Variants in SIPA1L3 observed in about 807,000 individuals in gnomAD.
The protein encoded by SIPA1L3 is signal-induced proliferation-associated 1-like protein 3.
Under a neutral mutation model 150.1 loss-of-function variants are expected in SIPA1L3, and 59 were observed. The observed-to-expected ratio is 0.39, with a 90% confidence interval of 0.32 to 0.49. SIPA1L3 has a LOEUF of 0.49. Among genes scored for constraint, SIPA1L3 ranks in the 20% least tolerant of loss-of-function variants. The pLI, the probability that SIPA1L3 is intolerant of heterozygous loss-of-function variation, is 0.86. For missense variants in SIPA1L3, 2,211 were observed against 2,489.5 expected, an observed-to-expected ratio of 0.89 and a Z score of 2.38; for synonymous variants, 1,070 against 1,077.6, an observed-to-expected ratio of 0.99 and a Z score of 0.14.
chr19:38,197,640 A>G (rs994705163), intron 18 of SIPA1L3, among the ~76,000 whole-genome samples: 1 of 151,654 alleles, frequency 6.6e-6, no homozygotes, highest in African/African-American at 2.4e-5. Context: ...ACCTCCAGAA[A>G]CAGATTTCTG....
intron 1 of SIPA1L3, among the ~76,000 whole-genome samples, chr19:37,941,079 CACACACAT>C (rs200391110): frequency 0.029 from 3,838 of 131,528 alleles, 95 homozygotes; most frequent in African/African-American, 0.072. Flanking sequence ...TGTACACACA[CACACACAT>C]ACACACACAC....
chr19:38,107,189 C>G (rs562123299), intron 7 of SIPA1L3, among the ~76,000 whole-genome samples: 1 of 152,344 alleles, frequency 6.6e-6, no homozygotes, highest in African/African-American at 2.4e-5. Context: ...TTAGCCACCT[C>G]AGCAGAAAGA....
intron 2 of SIPA1L3, among the ~76,000 whole-genome samples, chr19:38,065,520 A>G (rs1654353): frequency 0.35 from 52,618 of 150,950 alleles, 9,978 homozygotes; most frequent in African/African-American, 0.51. Context: ...GGTTCAAGCA[A>G]TTCCTCCTGT....
At chr19:37,938,316 T>C (rs1020838137) in intron 1 of SIPA1L3, among the ~76,000 whole-genome samples, 13 of 152,236 alleles carry the variant, frequency 8.5e-5, no homozygotes, top group African/African-American at 3.1e-4. Flanking sequence ...GACAAGCATT[T>C]CTTTCAGGTA....
At chr19:38,159,414 C>A (rs973724442) in intron 13 of SIPA1L3, among the ~76,000 whole-genome samples, 2 of 152,202 alleles carry the variant, frequency 1.3e-5, no homozygotes, top group African/African-American at 4.8e-5. Flanking sequence ...GTGACCTCCT[C>A]CCCCTCAGCC....
At chr19:38,023,813 A>G (rs1195575055) in intron 1 of SIPA1L3, among the ~76,000 whole-genome samples, 1 of 152,234 alleles carries the variant, frequency 6.6e-6, no homozygotes, top group African/African-American at 2.4e-5. Context: ...AGGCCCTCTT[A>G]GAGGCTGGGT....
intron 1 of SIPA1L3, among the ~76,000 whole-genome samples, chr19:37,930,435 A>G (rs2046543645): frequency 6.6e-6 from 1 of 152,168 alleles, no homozygotes; most frequent in Non-Finnish European, 1.5e-5. Flanking sequence ...CTGAGATTAC[A>G]GGTGTGAGCC....
At chr19:38,020,712 A>G (rs1968353837) in intron 1 of SIPA1L3, among the ~76,000 whole-genome samples, 1 of 152,184 alleles carries the variant, frequency 6.6e-6, no homozygotes, top group South Asian at 2.1e-4. Context: ...GTCCCCAAGC[A>G]TTAATTCGGG....
intron 13 of SIPA1L3, among the ~76,000 whole-genome samples, chr19:38,153,880 G>A (rs1441496205): frequency 6.6e-6 from 1 of 152,088 alleles, no homozygotes; most frequent in Non-Finnish European, 1.5e-5. Flanking sequence ...GTTGCAGTGA[G>A]CCGAGATCGA....
chr19:37,938,617 CTTTTTTCTTTTTTTT>C (rs1361786089), intron 1 of SIPA1L3, among the ~76,000 whole-genome samples: 1 of 144,790 alleles, frequency 6.9e-6, no homozygotes, highest in East Asian at 2.0e-4. Flanking sequence ...TTCTTTTTTT[CTTTTTTCTTTTTTTT>C]TTTTTTTTTA....
chr19:38,140,931 G>A (rs1390249153), intron 10 of SIPA1L3, among the ~76,000 whole-genome samples: 1 of 151,808 alleles, frequency 6.6e-6, no homozygotes, highest in Non-Finnish European at 1.5e-5. Flanking sequence ...AGTGGCGCTT[G>A]CCTGTAGTCC....
intron 2 of SIPA1L3, among the ~76,000 whole-genome samples, chr19:38,050,338 C>A (rs533780418): frequency 6.6e-6 from 1 of 152,136 alleles, no homozygotes; most frequent in East Asian, 1.9e-4. Context: ...TGCCTGTAAT[C>A]CCAGCTACTC....
intron 9 of SIPA1L3, among the ~76,000 whole-genome samples, chr19:38,120,491 G>A (rs1970991471): frequency 6.6e-6 from 1 of 151,906 alleles, no homozygotes; most frequent in African/African-American, 2.4e-5. Context: ...CAAAAAAAAA[G>A]AAGTGTAAGA....
intron 2 of SIPA1L3, among the ~76,000 whole-genome samples, chr19:38,033,158 G>A (rs1036518126): frequency 6.6e-6 from 1 of 152,222 alleles, no homozygotes; most frequent in African/African-American, 2.4e-5. Context: ...CTCAGCTGGA[G>A]CCAGTCTTAT....
At chr19:38,013,130 C>T (rs754436615) in intron 1 of SIPA1L3, among the ~76,000 whole-genome samples, 9 of 152,152 alleles carry the variant, frequency 5.9e-5, no homozygotes, top group Non-Finnish European at 1.2e-4. Flanking sequence ...CCTCCTGCTC[C>T]GAGTTTCTCT....
intron 1 of SIPA1L3, among the ~76,000 whole-genome samples, chr19:38,017,019 C>G (rs567849678): frequency 6.6e-6 from 1 of 150,712 alleles, no homozygotes; most frequent in African/African-American, 2.4e-5. Context: ...ACCTCAGCCT[C>G]CTGAGTAGCT....
rs963100366 is a variant in SIPA1L3 at position 38,092,413 on chromosome 19, G to A, written c.1665+3562G>A. Among the ~76,000 whole-genome samples the A allele has an allele frequency of 5.3e-5, 8 of 151,558 alleles. No homozygotes were observed. The East Asian group carries it at 5.8e-4, about 11-fold the overall frequency. ...GACTATGTCACACATACTGAGAGTCGTGAGACTTTAGTGCATGGATACTGG... is the reference window on the plus strand; with the variant it reads ...GACTATGTCACACATACTGAGAGTCATGAGACTTTAGTGCATGGATACTGG... On this transcript the variant is annotated intron_variant, in intron 4 of 21. Transcript: ENST00000222345.
Position 38,082,914 on chromosome 19 carries a change from G to A in SIPA1L3, c.1349G>A (p.Gly450Asp). The change falls in exon 3 of 22, where the codon GGC becomes GAC. Residue 450 changes from glycine to aspartate, a missense_variant. Physicochemically the swap from Gly to Asp is moderately conservative, Grantham distance 94 (BLOSUM62 -1). Around this residue, in one of 5 missense-constraint regions of SIPA1L3, gnomAD observed 587 missense variants for 534.5 expected, o/e 1.10. Coordinates refer to ENST00000222345, the MANE Select transcript of SIPA1L3 (RefSeq NM_015073.3). ...RNVSFSRASV[G>D]SPSSGEGHLA... ...GTGAGCTTCTCCCGGGCTTCCGTGG[G>A]CTCCCCGAGCAGCGGCGAGGGCCAC... The A allele has an allele frequency of 6.2e-7, 1 of 1,613,150 alleles. No individual in the cohort carries two copies. Among genetic ancestry groups the A allele is most frequent in the Non-Finnish European group, 8.5e-7 (1 of 1,179,880 alleles).
At chr19:38,137,141 A>G (rs1971453551) in intron 10 of SIPA1L3, among the ~76,000 whole-genome samples, 1 of 152,118 alleles carries the variant, frequency 6.6e-6, no homozygotes, top group East Asian at 1.9e-4. Flanking sequence ...CTGGCCCCGC[A>G]GCCCTGGTCT....
Sources: allele counts gnomAD v4.1 joint callset (sites outside exome capture counted in the v4.1 genomes callset), GRCh38; gene constraint gnomAD v4.1.1; regional missense constraint gnomAD v4.1.1; transcripts MANE v1.5; gene names NCBI Gene and HGNC (gene_info 2026-07-23, HGNC 2026-07-21).